Variants in MAPK10 observed in about 807,000 individuals in gnomAD.
MAPK10 encodes the protein JNK3 alpha protein kinase.
In MAPK10, 25 loss-of-function variants were observed where a neutral mutation model predicts 59.3. The ratio of observed to expected loss-of-function variants is 0.42; its 90% CI spans 0.31 to 0.59. The LOEUF is 0.59. Among genes scored for constraint, MAPK10 ranks in the 20% least tolerant of loss-of-function variants. MAPK10 has a pLI of 0.15. For missense variants in MAPK10, 351 were observed against 568.9 expected (o/e 0.62, Z 3.90); for synonymous variants, 190 against 200.5 (o/e 0.95, Z 0.44).
chr4:86,333,470 C>T (rs2096203691), intron 2 of MAPK10, among the ~76,000 whole-genome samples: 1 of 152,226 alleles, frequency 6.6e-6, no homozygotes, highest in South Asian at 2.1e-4. Context: ...CAGCCTACTG[C>T]TGTCTGCCTT....
intron 2 of MAPK10, among the ~76,000 whole-genome samples, chr4:86,209,345 G>A (rs1321715752): frequency 1.3e-5 from 2 of 152,056 alleles, no homozygotes; most frequent in Non-Finnish European, 2.9e-5. Flanking sequence ...AATAAAAGGT[G>A]AAGTAGGAAG....
At chr4:86,322,801 G>A (rs1483335879) in intron 2 of MAPK10, among the ~76,000 whole-genome samples, 1 of 152,158 alleles carries the variant, frequency 6.6e-6, no homozygotes, top group South Asian at 2.1e-4. Flanking sequence ...GCTCATCGAA[G>A]TCATTCCATA....
chr4:86,290,220 G>A (rs1212558394), intron 2 of MAPK10, among the ~76,000 whole-genome samples: 2 of 152,180 alleles, frequency 1.3e-5, no homozygotes, highest in Non-Finnish European at 2.9e-5. Context: ...CAGTGAAGGA[G>A]CTATCAGCAA....
chr4:86,137,407 A>G (rs1248259442), intron 4 of MAPK10, among the ~76,000 whole-genome samples: 1 of 141,390 alleles, frequency 7.1e-6, no homozygotes, highest in African/African-American at 2.9e-5. Flanking sequence ...ACTACATGGA[A>G]ACTGAACAAC....
chr4:86,035,296 G>A (rs967279411), intron 11 of MAPK10, among the ~76,000 whole-genome samples: 17 of 150,272 alleles, frequency 1.1e-4, no homozygotes, highest in Non-Finnish European at 2.2e-4. Context: ...GCTTGAACCC[G>A]GGAGGTGGAG....
intron 9 of MAPK10, among the ~76,000 whole-genome samples, chr4:86,074,995 A>G (rs939200824): frequency 1.4e-5 from 2 of 146,836 alleles, no homozygotes; most frequent in African/African-American, 5.2e-5. Context: ...GTGTTTTCCA[A>G]CTTGGTTCCA....
intron 1 of MAPK10, among the ~76,000 whole-genome samples, chr4:86,577,387 A>C (rs1015244465): frequency 4.6e-5 from 7 of 152,310 alleles, no homozygotes; most frequent in Non-Finnish European, 8.8e-5. Flanking sequence ...AAAGGACATA[A>C]GACTCAGAAA....
chr4:86,360,529 T>A (rs1444880514), upstream of MAPK10, among the ~76,000 whole-genome samples: 1 of 152,222 alleles, frequency 6.6e-6, no homozygotes, highest in Admixed American at 6.5e-5. Context: ...CACAGCACTA[T>A]TCCTCTTCTC....
intron 1 of MAPK10, among the ~76,000 whole-genome samples, chr4:86,491,638 C>T (rs992817052): frequency 6.6e-6 from 1 of 152,170 alleles, no homozygotes. Context: ...GACTCTAAAT[C>T]GAAGCATATA....
chr4:86,513,857 T>C (rs1272674128), intron 1 of MAPK10, among the ~76,000 whole-genome samples: 5 of 152,118 alleles, frequency 3.3e-5, no homozygotes, highest in Non-Finnish European at 7.4e-5. Context: ...AACTTAACAA[T>C]GGATTCCAGG....
At position 86,387,990 on chromosome 4, in the gene MAPK10, T is replaced by C. The variant is rs1741721553; in HGVS notation, c.-121-33346A>G. Reference sequence around the variant, plus strand: ...CAGAAAAAATAATATATAATATTTATAAAAATATTTATCAAATATATAATA... The same window carrying C: ...CAGAAAAAATAATATATAATATTTACAAAAATATTTATCAAATATATAATA... On this transcript the variant is annotated intron_variant, in intron 1 of 13. Coordinates refer to the MAPK10 transcript ENST00000361569. Among the ~76,000 whole-genome samples the C allele has an allele frequency of 2.0e-5, 3 of 148,764 alleles. No individual in the cohort carries two copies. The South Asian group carries it at 6.3e-4, about 31-fold the overall frequency.
At chr4:86,234,903 A>T (rs1281422359) in intron 2 of MAPK10, among the ~76,000 whole-genome samples, 2 of 152,182 alleles carry the variant, frequency 1.3e-5, no homozygotes, top group African/African-American at 4.8e-5. Flanking sequence ...GATAAAGTAA[A>T]CAGATATTCT....
upstream of MAPK10, among the ~76,000 whole-genome samples, chr4:86,362,959 G>A (rs2148986241): frequency 6.6e-6 from 1 of 152,116 alleles, no homozygotes; most frequent in Middle Eastern, 3.4e-3. Flanking sequence ...CAAGACAATG[G>A]AAACCTACGT....
intron 1 of MAPK10, among the ~76,000 whole-genome samples, chr4:86,518,714 AT>A (rs1382567080): frequency 1.4e-5 from 2 of 144,776 alleles, no homozygotes; most frequent in Admixed American, 1.4e-4. Flanking sequence ...TAGATTGTCT[AT>A]TTGTGCTCTT....
intron 1 of MAPK10, among the ~76,000 whole-genome samples, chr4:86,368,779 A>ATT (rs112462504): frequency 1.3e-5 from 2 of 149,778 alleles, no homozygotes; most frequent in Non-Finnish European, 3.0e-5. Flanking sequence ...TCCTAATAGC[A>ATT]TTTTTTTTTT....
chr4:86,138,683 C>T (rs1265818114), intron 4 of MAPK10, among the ~76,000 whole-genome samples: 1 of 150,534 alleles, frequency 6.6e-6, no homozygotes, highest in Non-Finnish European at 1.5e-5. Context: ...AAGTTCTGGC[C>T]AGGGCAATTA....
chr4:86,187,549 C>T lies in MAPK10; in HGVS notation c.66+6787G>A, dbSNP rs555509531. On this transcript the variant is annotated intron_variant, in intron 3 of 13. Transcript: ENST00000641462. ...CAGTAGGTGACTGAAACTGTGGAAACCGAAACCACAGATAAGGGGGGACTA... is the reference window on the plus strand; with the variant it reads ...CAGTAGGTGACTGAAACTGTGGAAATCGAAACCACAGATAAGGGGGGACTA... 3.7e-4 allele frequency among the ~76,000 whole-genome samples: 57 copies of T among 152,094 alleles called. No homozygotes were observed. The South Asian group carries it at 0.011, about 30-fold the overall frequency.
At chr4:86,078,999 C>A (rs549333412) in intron 9 of MAPK10, among the ~76,000 whole-genome samples, 39 of 151,446 alleles carry the variant, frequency 2.6e-4, no homozygotes, top group Admixed American at 6.6e-4. Context: ...CCCACCCCCC[C>A]AAAAAAAGAA....
intron 1 of MAPK10, among the ~76,000 whole-genome samples, chr4:86,420,990 G>A (rs1030508593): frequency 6.6e-6 from 1 of 151,902 alleles, no homozygotes; most frequent in Admixed American, 6.6e-5. Flanking sequence ...GCTGAGGCAG[G>A]AGAATCGCTT....
Sources: allele counts gnomAD v4.1 joint callset (sites outside exome capture counted in the v4.1 genomes callset), GRCh38; gene constraint gnomAD v4.1.1; transcripts MANE v1.5; gene names NCBI Gene and HGNC (gene_info 2026-07-23, HGNC 2026-07-21).